ZNF536: variants seen among roughly 807,000 people sequenced by gnomAD.
ZNF536 encodes zinc finger protein 536.
A neutral mutation model predicts 84.5 loss-of-function variants in ZNF536; 13 were observed. The ratio of observed to expected loss-of-function variants is 0.15; its 90% CI spans 0.10 to 0.24. The LOEUF (loss-of-function observed/expected upper bound fraction) is 0.24, where lower values mean the gene tolerates loss of function less well. Among genes scored for constraint, ZNF536 ranks in the 10% least tolerant of loss-of-function variants. The probability of loss-of-function intolerance (pLI) is 1.00; values close to 1 mark genes in which losing one functional copy is unlikely to be tolerated. For synonymous variants in ZNF536, 811 were observed against 742.5 expected, an observed-to-expected ratio of 1.09 and a Z score of -1.50; for missense variants, 1,536 against 1,747.5, an observed-to-expected ratio of 0.88 and a Z score of 2.16.
At chr19:30,512,264 A>C (rs1399594031) in intron 2 of ZNF536, among the ~76,000 whole-genome samples, 2 of 152,168 alleles carry the variant, frequency 1.3e-5, no homozygotes, top group Non-Finnish European at 2.9e-5. Flanking sequence ...ACTGCGGAAC[A>C]CCTGCCTTAA....
At chr19:30,519,103 C>CA (rs1487981954) in intron 2 of ZNF536, among the ~76,000 whole-genome samples, 2 of 152,230 alleles carry the variant, frequency 1.3e-5, no homozygotes, top group East Asian at 3.9e-4. Context: ...GGTGCTGCCC[C>CA]AGGGCCTGGA....
At chr19:30,563,610 C>A (rs1181611404) in intron 1 of ZNF536, among the ~76,000 whole-genome samples, 1 of 152,180 alleles carries the variant, frequency 6.6e-6, no homozygotes, top group Non-Finnish European at 1.5e-5. Context: ...AGTGAATGAT[C>A]ACCTCTAATT....
At chr19:30,628,908 T>A (rs766934024) in intron 1 of ZNF536, among the ~76,000 whole-genome samples, 1 of 152,206 alleles carries the variant, frequency 6.6e-6, no homozygotes, top group Non-Finnish European at 1.5e-5. Context: ...TTTCACCACA[T>A]AGGCCAGGCT....
intron 1 of ZNF536, among the ~76,000 whole-genome samples, chr19:30,424,404 A>C (rs1348243684): frequency 6.6e-6 from 1 of 152,174 alleles, no homozygotes; most frequent in East Asian, 1.9e-4. Context: ...AAACCTGTGC[A>C]ACATCAAACA....
chr19:30,422,848 T>TCCATCCAA (rs1345586557), intron 1 of ZNF536, among the ~76,000 whole-genome samples: 1 of 114,110 alleles, frequency 8.8e-6, no homozygotes, highest in Non-Finnish European at 1.7e-5. Context: ...CATCCATCCA[T>TCCATCCAA]CCATCCAACC....
intron 1 of ZNF536, among the ~76,000 whole-genome samples, chr19:30,409,270 G>A (rs1311291698): frequency 6.6e-6 from 1 of 152,180 alleles, no homozygotes; most frequent in African/African-American, 2.4e-5. Context: ...AAAAGTCAGA[G>A]GTTTTGAACT....
At chr19:30,695,655 T>C (rs1473904946) in intron 1 of ZNF536, among the ~76,000 whole-genome samples, 1 of 151,892 alleles carries the variant, frequency 6.6e-6, no homozygotes, top group Non-Finnish European at 1.5e-5. Context: ...CAGTGAGAAA[T>C]AGGGAGCCAT....
intron 4 of ZNF536, chr19:30,555,869 C>T (rs961949884): frequency 2.0e-5 from 3 of 152,174 alleles, no homozygotes; most frequent in Admixed American, 6.5e-5. Flanking sequence ...CCACAAAATC[C>T]CAATCTGCCG....
intron 1 of ZNF536, among the ~76,000 whole-genome samples, chr19:30,378,223 C>T (rs775402385): frequency 1.1e-4 from 17 of 152,152 alleles, no homozygotes; most frequent in Non-Finnish European, 1.0e-4. Flanking sequence ...AGTGAAGTGG[C>T]ACAATCTTGG....
At chr19:30,283,155 C>T (rs1234259696) in intron 1 of ZNF536, among the ~76,000 whole-genome samples, 1 of 152,184 alleles carries the variant, frequency 6.6e-6, no homozygotes. Context: ...CGAAATTCTA[C>T]CTCTGTGATC....
intron 1 of ZNF536, among the ~76,000 whole-genome samples, chr19:30,279,210 TAG>T (rs1256312761): frequency 6.6e-6 from 1 of 152,206 alleles, no homozygotes; most frequent in Non-Finnish European, 1.5e-5. Context: ...ATTATCTTCT[TAG>T]AGATTGTTAT....
At chr19:30,336,858 G>A (rs1431625118) in intron 2 of ZNF536, among the ~76,000 whole-genome samples, 5 of 152,206 alleles carry the variant, frequency 3.3e-5, no homozygotes, top group South Asian at 4.1e-4. Flanking sequence ...TGATGATGGC[G>A]TGTGGTTATG....
At chr19:30,664,531 C>G (rs973931996) in intron 1 of ZNF536, among the ~76,000 whole-genome samples, 3 of 152,132 alleles carry the variant, frequency 2.0e-5, no homozygotes, top group African/African-American at 4.8e-5. Flanking sequence ...TGGGTGATCA[C>G]AGGCCAGTTG....
intron 2 of ZNF536, among the ~76,000 whole-genome samples, chr19:30,469,128 G>C (rs1459711619): frequency 6.6e-6 from 1 of 152,092 alleles, no homozygotes; most frequent in Non-Finnish European, 1.5e-5. Context: ...ATAAAAGAAA[G>C]GAATGACCGG....
chr19:30,586,712 T>G (rs1045152235), intron 1 of ZNF536, among the ~76,000 whole-genome samples: 1 of 152,226 alleles, frequency 6.6e-6, no homozygotes, highest in African/African-American at 2.4e-5. Flanking sequence ...TTTGCCCACC[T>G]GTAAAATAGT....
chr19:30,363,900 G>T (rs1241388757), intron 3 of ZNF536, among the ~76,000 whole-genome samples: 1 of 152,148 alleles, frequency 6.6e-6, no homozygotes, highest in Non-Finnish European at 1.5e-5. Context: ...GAAGGCAGGG[G>T]TTTGTCAGAT....
At chr19:30,292,326 T>A (rs982461028) in intron 2 of ZNF536, among the ~76,000 whole-genome samples, 2 of 152,106 alleles carry the variant, frequency 1.3e-5, no homozygotes, top group Non-Finnish European at 2.9e-5. Context: ...AACTGTTTTT[T>A]TTTTTTCTCT....
intron 1 of ZNF536, among the ~76,000 whole-genome samples, chr19:30,625,215 A>T (rs2048632300): frequency 6.6e-6 from 1 of 152,150 alleles, no homozygotes; most frequent in African/African-American, 2.4e-5. Flanking sequence ...TGCCCCTCAC[A>T]CAATAAAGGG....
At chr19:30,419,085 C>A (rs958363639) in intron 1 of ZNF536, among the ~76,000 whole-genome samples, 3 of 152,082 alleles carry the variant, frequency 2.0e-5, no homozygotes, top group Non-Finnish European at 2.9e-5. Context: ...TTTTTTCTTT[C>A]TTTATTTTCT....
Sources: allele counts gnomAD v4.1 joint callset (sites outside exome capture counted in the v4.1 genomes callset), GRCh38; gene constraint gnomAD v4.1.1; transcripts MANE v1.5; gene names NCBI Gene and HGNC (gene_info 2026-07-23, HGNC 2026-07-21).